Variants in CERS6 observed in about 807,000 individuals in gnomAD.
CERS6 encodes LAG1 homolog, ceramide synthase 6.
Under a neutral mutation model 56.8 loss-of-function variants are expected in CERS6, and 26 were observed. That is an observed-to-expected ratio of 0.46 (90% CI 0.34 to 0.63). CERS6 has a LOEUF of 0.63. Among genes scored for constraint, CERS6 ranks in the 30% least tolerant of loss-of-function variants. The probability of loss-of-function intolerance (pLI) is 0.01; values close to 1 mark genes in which losing one functional copy is unlikely to be tolerated. For missense variants in CERS6, 415 were observed against 467.5 expected (o/e 0.89, Z 1.04); for synonymous variants, 164 against 173.3 (o/e 0.95, Z 0.42).
intron 4 of CERS6, among the ~76,000 whole-genome samples, chr2:168,683,327 T>A (rs1289848204): frequency 6.6e-6 from 1 of 152,230 alleles, no homozygotes; most frequent in Non-Finnish European, 1.5e-5. Flanking sequence ...TCTGTCTAGC[T>A]TTAATCTGTA....
chr2:168,463,988 TTA>T (rs1388980419), intron 1 of CERS6, among the ~76,000 whole-genome samples: 4 of 152,200 alleles, frequency 2.6e-5, no homozygotes, highest in African/African-American at 9.7e-5. Context: ...TATGATAAAC[TTA>T]TTTCAGATAT....
In CERS6 at chr2:168,615,686, A is replaced by G. The variant is rs1385058134; in HGVS notation, c.408-15299A>G. Among the ~76,000 whole-genome samples the G allele has an allele frequency of 2.6e-5, 4 of 152,222 alleles. No homozygotes were observed. The East Asian group carries it at 7.7e-4, about 29-fold the overall frequency. On this transcript the variant is annotated intron_variant, in intron 3 of 9. Transcript: ENST00000305747. ...CAAAGACAAAGAAAAAAGACTAAGA[A>G]AAAATGAGCAAAGCCTCCCAGAAAT...
At chr2:168,630,333 CA>C (rs1684687323) in intron 3 of CERS6, among the ~76,000 whole-genome samples, 3 of 149,824 alleles carry the variant, frequency 2.0e-5, no homozygotes, top group African/African-American at 7.4e-5. Flanking sequence ...CACACGCACA[CA>C]TCTTATATTT....
chr2:168,589,233 C>G (rs1374780086), intron 3 of CERS6, among the ~76,000 whole-genome samples: 1 of 152,192 alleles, frequency 6.6e-6, no homozygotes, highest in Non-Finnish European at 1.5e-5. Context: ...TTCCTTCCTT[C>G]CTTCTCTCTT....
intron 6 of CERS6, among the ~76,000 whole-genome samples, chr2:168,711,731 C>CAAAAAAAA (rs35886865): frequency 1.0e-5 from 1 of 97,872 alleles, no homozygotes; most frequent in Non-Finnish European, 2.0e-5. Flanking sequence ...GAGACTGTCT[C>CAAAAAAAA]AAAAAAAAAA....
At chr2:168,653,820 G>C (rs1391153186) in intron 4 of CERS6, among the ~76,000 whole-genome samples, 2 of 152,152 alleles carry the variant, frequency 1.3e-5, no homozygotes, top group African/African-American at 2.4e-5. Flanking sequence ...TATGCCCTGG[G>C]ACATGGAAAA....
intron 3 of CERS6, among the ~76,000 whole-genome samples, chr2:168,567,550 A>C (rs1262773448): frequency 1.3e-5 from 2 of 152,276 alleles, no homozygotes; most frequent in African/African-American, 4.8e-5. Context: ...TCTTTAAAAA[A>C]TACATTACAA....
intron 3 of CERS6, among the ~76,000 whole-genome samples, chr2:168,565,323 G>A (rs1310893445): frequency 5.3e-5 from 8 of 152,076 alleles, no homozygotes; most frequent in Non-Finnish European, 1.2e-4. Flanking sequence ...CCCATCCCAG[G>A]GTGTCAGGAT....
At chr2:168,730,050 G>T (rs376561018) in intron 8 of CERS6, among the ~76,000 whole-genome samples, 3 of 152,178 alleles carry the variant, frequency 2.0e-5, no homozygotes, top group Non-Finnish European at 2.9e-5. Context: ...GCACAATGAC[G>T]ACTGAGACTT....
chr2:168,622,206 G>T (rs1684488683), intron 3 of CERS6, among the ~76,000 whole-genome samples: 1 of 152,138 alleles, frequency 6.6e-6, no homozygotes. Flanking sequence ...GAAAGAAGAA[G>T]AATTGTCTTG....
rs115821371 is a variant in CERS6, at chr2:168,554,938, C to G, written c.277-6254C>G. On this transcript the variant is annotated intron_variant, in intron 2 of 9. Coordinates refer to ENST00000305747, the MANE Select transcript of CERS6 (RefSeq NM_203463.3). ...TTAAATATTAGTGTGTCTGTATATT[C>G]ATAAAAAGGAATTGAAGAAAAAATG... 2.7e-3 allele frequency among the ~76,000 whole-genome samples: 413 copies of G among 151,922 alleles called. 1 individual carries two copies. Among genetic ancestry groups the G allele is most frequent in the African/African-American group, 9.4e-3 (390 of 41,448 alleles).
intron 1 of CERS6, among the ~76,000 whole-genome samples, chr2:168,473,280 T>G (rs570070545): frequency 2.7e-4 from 41 of 152,178 alleles, no homozygotes; most frequent in Non-Finnish European, 5.0e-4. Context: ...CTTTTGTTCT[T>G]AATGTTTCTG....
chr2:168,492,284 G>A (rs1376322304), intron 1 of CERS6, among the ~76,000 whole-genome samples: 1 of 152,098 alleles, frequency 6.6e-6, no homozygotes, highest in Admixed American at 6.5e-5. Context: ...AGCATCTGTC[G>A]TTTCCTGACT....
intron 3 of CERS6, among the ~76,000 whole-genome samples, chr2:168,563,492 A>G (rs150142695): frequency 1.3e-5 from 2 of 152,268 alleles, no homozygotes; most frequent in African/African-American, 2.4e-5. Flanking sequence ...TCAAAGATAG[A>G]TATTAGAAAA....
chr2:168,720,752 A>G (rs1687344428), intron 8 of CERS6, among the ~76,000 whole-genome samples: 1 of 152,190 alleles, frequency 6.6e-6, no homozygotes, highest in Non-Finnish European at 1.5e-5. Context: ...GTTAAGTGAG[A>G]TTATTTATTT....
At chr2:168,648,385 AAT>A (rs1685256751) in intron 4 of CERS6, among the ~76,000 whole-genome samples, 4 of 151,916 alleles carry the variant, frequency 2.6e-5, no homozygotes, top group African/African-American at 9.7e-5. Flanking sequence ...TGTCATTTCT[AAT>A]TGTGTTTATT....
At chr2:168,734,254 A>G (rs1683644387) in intron 8 of CERS6, among the ~76,000 whole-genome samples, 1 of 151,570 alleles carries the variant, frequency 6.6e-6, no homozygotes, top group South Asian at 2.1e-4. Flanking sequence ...GTATAGAAGG[A>G]AAAAAAAATA....
At chr2:168,747,826 C>T (rs76190748) in intron 8 of CERS6, among the ~76,000 whole-genome samples, 8 of 117,224 alleles carry the variant, frequency 6.8e-5, no homozygotes, top group Middle Eastern at 3.9e-3. Flanking sequence ...TTCCTACACA[C>T]GCTCACACAT....
At chr2:168,523,649 A>T (rs1428032978) in intron 1 of CERS6, among the ~76,000 whole-genome samples, 6 of 152,084 alleles carry the variant, frequency 3.9e-5, no homozygotes, top group Non-Finnish European at 7.4e-5. Context: ...TCTGTGGAAT[A>T]ACTACAGTGT....
Sources: allele counts gnomAD v4.1 joint callset (sites outside exome capture counted in the v4.1 genomes callset), GRCh38; gene constraint gnomAD v4.1.1; transcripts MANE v1.5; gene names NCBI Gene and HGNC (gene_info 2026-07-23, HGNC 2026-07-21).